The following EFCAB5 variants were observed in gnomAD, a reference collection of about 807,000 sequenced individuals.
EFCAB5 encodes EF-hand calcium binding domain 5.
Under a neutral mutation model 167.9 loss-of-function variants are expected in EFCAB5, and 131 were observed. That is an observed-to-expected ratio of 0.78 (90% confidence interval 0.68 to 0.90). The LOEUF (loss-of-function observed/expected upper bound fraction) is 0.90. EFCAB5 is among the 40% of genes least tolerant of loss of function. EFCAB5 has a pLI of 0.00. For missense variants in EFCAB5, 1,663 were observed against 1,745.2 expected, an observed-to-expected ratio of 0.95 and a Z score of 0.84; for synonymous variants, 574 against 602.8, an observed-to-expected ratio of 0.95 and a Z score of 0.70.
At chr17:30,039,076 G>C (rs1198927149) in intron 8 of EFCAB5, among the ~76,000 whole-genome samples, 1 of 152,110 alleles carries the variant, frequency 6.6e-6, no homozygotes, top group East Asian at 1.9e-4. Flanking sequence ...ACCATACAAG[G>C]AGAAGCCGCA....
intron 8 of EFCAB5, among the ~76,000 whole-genome samples, chr17:30,039,179 G>A (rs1006890453): frequency 6.6e-6 from 1 of 152,078 alleles, no homozygotes; most frequent in Non-Finnish European, 1.5e-5. Flanking sequence ...GTGGAAAGAA[G>A]GGAAACTCAA....
intron 3 of EFCAB5, among the ~76,000 whole-genome samples, chr17:29,950,843 G>A (rs1052773376): frequency 6.6e-6 from 1 of 152,180 alleles, no homozygotes; most frequent in Non-Finnish European, 1.5e-5. Flanking sequence ...GGAGTTGAAA[G>A]TTATACATAG....
intron 14 of EFCAB5, among the ~76,000 whole-genome samples, chr17:30,061,645 G>A (rs1174523594): frequency 2.0e-5 from 3 of 152,124 alleles, no homozygotes; most frequent in Non-Finnish European, 4.4e-5. Context: ...GCATAATCAT[G>A]GCTCACTCCA....
intron 3 of EFCAB5, among the ~76,000 whole-genome samples, chr17:29,953,075 A>C (rs927994500): frequency 1.1e-4 from 16 of 152,178 alleles, no homozygotes; most frequent in African/African-American, 3.1e-4. Flanking sequence ...GGGGCACCCA[A>C]ATAGGAAGAA....
At chr17:29,976,861 T>C (rs1281842162) in intron 4 of EFCAB5, among the ~76,000 whole-genome samples, 4 of 152,172 alleles carry the variant, frequency 2.6e-5, no homozygotes, top group Non-Finnish European at 5.9e-5. Flanking sequence ...AAACAACAGA[T>C]AGAGAAGACA....
At chr17:30,019,445 CTCTT>C (rs2069121597) in intron 7 of EFCAB5, among the ~76,000 whole-genome samples, 1 of 148,950 alleles carries the variant, frequency 6.7e-6, no homozygotes, top group South Asian at 2.1e-4. Flanking sequence ...CTCTCCCTCT[CTCTT>C]TTTTTTTTTT....
At chr17:30,012,760 C>T (rs577648354) in intron 7 of EFCAB5, among the ~76,000 whole-genome samples, 1 of 152,258 alleles carries the variant, frequency 6.6e-6, no homozygotes, top group African/African-American at 2.4e-5. Flanking sequence ...GACCCGCCGA[C>T]CCTGTGGGAC....
chr17:29,938,984 A>G (rs1347389146), upstream of EFCAB5, among the ~76,000 whole-genome samples: 2 of 152,196 alleles, frequency 1.3e-5, no homozygotes, highest in African/African-American at 2.4e-5. Context: ...GAAGGTTTTC[A>G]ATTTACTTTG....
In EFCAB5 at chr17:30,040,328, A is replaced by T. The variant is rs1315667563; in HGVS notation, c.1200+5943A>T. Among the ~76,000 whole-genome samples, 6 of 152,204 alleles carry T rather than the reference A, an allele frequency of 3.9e-5. 1 individual carries two copies. Among genetic ancestry groups the T allele is most frequent in the Non-Finnish European group, 8.8e-5 (6 of 68,034 alleles). ...AAAATTTGGCGTTCCTTGGAGACTTAACAGGATGCAGTGCAGTCAGGCACC... is the reference window on the plus strand; with the variant it reads ...AAAATTTGGCGTTCCTTGGAGACTTTACAGGATGCAGTGCAGTCAGGCACC... On this transcript the variant is annotated intron_variant, in intron 8 of 22. Coordinates refer to ENST00000394835, the MANE Select transcript of EFCAB5 (RefSeq NM_198529.4).
chr17:29,971,434 C>A (rs1356019029), intron 4 of EFCAB5, among the ~76,000 whole-genome samples: 1 of 152,144 alleles, frequency 6.6e-6, no homozygotes, highest in Non-Finnish European at 1.5e-5. Flanking sequence ...TGTCTTTTTA[C>A]AACTTTAGTA....
chr17:29,932,548 C>G (rs531427914), intron 1 of EFCAB5, among the ~76,000 whole-genome samples: 3 of 150,560 alleles, frequency 2.0e-5, no homozygotes, highest in Non-Finnish European at 4.4e-5. Flanking sequence ...CTCCACCTCC[C>G]GGGTTCAAGC....
intron 17 of EFCAB5, 35 bp downstream of exon 17, chr17:30,081,016 A>C (rs2070979165): frequency 6.5e-7 from 1 of 1,535,500 alleles, no homozygotes; most frequent in African/African-American, 1.4e-5. Context: ...CGATGGTAGG[A>C]TGGCCTCTCT....
chr17:30,087,507 G>T (rs977877930), intron 19 of EFCAB5, among the ~76,000 whole-genome samples: 8 of 151,978 alleles, frequency 5.3e-5, no homozygotes, highest in African/African-American at 9.7e-5. Context: ...TGTTCTCATT[G>T]TTCAGCTCCC....
chr17:30,018,031 T>G (rs995310194), intron 7 of EFCAB5, among the ~76,000 whole-genome samples: 1 of 152,180 alleles, frequency 6.6e-6, no homozygotes, highest in Non-Finnish European at 1.5e-5. Context: ...ATTTTCTGAG[T>G]TCTTATATAT....
intron 15 of EFCAB5, among the ~76,000 whole-genome samples, chr17:30,079,157 C>T (rs180877921): frequency 5.5e-4 from 83 of 152,116 alleles, no homozygotes; most frequent in Non-Finnish European, 9.7e-4. Context: ...AGCTAAATAG[C>T]GATACTTGCT....
At chr17:29,959,010 T>A (rs1177847442) in intron 3 of EFCAB5, among the ~76,000 whole-genome samples, 1 of 152,142 alleles carries the variant, frequency 6.6e-6, no homozygotes, top group Non-Finnish European at 1.5e-5. Context: ...AGTCTGTCTC[T>A]CTCTCTGTGC....
chr17:30,023,078 G>A (rs910504154), intron 7 of EFCAB5, among the ~76,000 whole-genome samples: 10 of 151,506 alleles, frequency 6.6e-5, no homozygotes, highest in Non-Finnish European at 1.3e-4. Flanking sequence ...AGAGAAAGCA[G>A]GAAAGATCCA....
At chr17:30,019,148 TC>T (rs1479980842) in intron 7 of EFCAB5, among the ~76,000 whole-genome samples, 1 of 152,170 alleles carries the variant, frequency 6.6e-6, no homozygotes, top group Non-Finnish European at 1.5e-5. Flanking sequence ...ACAAATGCAG[TC>T]TTTGTAAGCA....
chr17:30,104,474 A>G (rs1233832532), intron 22 of EFCAB5, among the ~76,000 whole-genome samples: 1 of 152,196 alleles, frequency 6.6e-6, no homozygotes, highest in African/African-American at 2.4e-5. Flanking sequence ...GTCCATAGAT[A>G]GACTCAAAGG....
Sources: allele counts gnomAD v4.1 joint callset (sites outside exome capture counted in the v4.1 genomes callset), GRCh38; gene constraint gnomAD v4.1.1; transcripts MANE v1.5; gene names NCBI Gene and HGNC (gene_info 2026-07-23, HGNC 2026-07-21).